The following HPSE2 variants were observed in gnomAD, a reference collection of about 807,000 sequenced individuals.
The protein encoded by HPSE2 is inactive heparanase-2.
Under a neutral mutation model 60.5 loss-of-function variants are expected in HPSE2, and 38 were observed. The ratio of observed to expected loss-of-function variants is 0.63; its 90% CI spans 0.48 to 0.82. HPSE2 has a LOEUF of 0.82. Among genes scored for constraint, HPSE2 ranks in the 40% least tolerant of loss-of-function variants. HPSE2 has a pLI of 0.00. For missense variants in HPSE2, 713 were observed against 740.4 expected, an observed-to-expected ratio of 0.96 and a Z score of 0.43; for synonymous variants, 295 against 293.2, an observed-to-expected ratio of 1.01 and a Z score of -0.06.
intron 3 of HPSE2, among the ~76,000 whole-genome samples, chr10:99,091,302 C>A (rs1843503675): frequency 6.6e-6 from 1 of 152,080 alleles, no homozygotes; most frequent in Non-Finnish European, 1.5e-5. Flanking sequence ...CTATGTAGCA[C>A]AGAGAAGTGT....
At chr10:99,176,134 C>T (rs994869425) in intron 2 of HPSE2, among the ~76,000 whole-genome samples, 1 of 152,058 alleles carries the variant, frequency 6.6e-6, no homozygotes, top group Non-Finnish European at 1.5e-5. Flanking sequence ...CATCAAAGAG[C>T]AAAGGTAGAT....
intron 9 of HPSE2, among the ~76,000 whole-genome samples, chr10:98,550,958 G>C (rs190706425): frequency 3.0e-4 from 46 of 152,230 alleles, no homozygotes; most frequent in African/African-American, 1.1e-3. Context: ...CTGGCTTATG[G>C]TTGAGCCTTC....
chr10:99,291,937 G>A, the HPSE2 span, among the ~76,000 whole-genome samples: 15 of 152,164 alleles, frequency 9.9e-5, no homozygotes, highest in Non-Finnish European at 1.9e-4. Context: ...CTGCACAGGT[G>A]TCTGGGCAGA....
chr10:98,721,320 G>C (rs1948917272), intron 5 of HPSE2, among the ~76,000 whole-genome samples: 1 of 152,200 alleles, frequency 6.6e-6, no homozygotes, highest in African/African-American at 2.4e-5. Flanking sequence ...CACTGGTATA[G>C]AGTAATTTTT....
intron 6 of HPSE2, among the ~76,000 whole-genome samples, chr10:98,692,691 C>A (rs941550308): frequency 2.0e-5 from 3 of 152,108 alleles, no homozygotes; most frequent in Non-Finnish European, 4.4e-5. Flanking sequence ...TTGGCGTGAA[C>A]CCAGGAGGTG....
At chr10:99,243,150 G>A in the HPSE2 span, among the ~76,000 whole-genome samples, 5 of 152,036 alleles carry the variant, frequency 3.3e-5, no homozygotes, top group Middle Eastern at 3.4e-3. Context: ...TCAGGGAATT[G>A]AGACCATCCT....
rs768472937 is a variant in HPSE2, at chr10:98,721,773, T to C, written c.840A>G (p.Gly280=). 4.3e-6 allele frequency: 7 copies of C among 1,613,800 alleles called. No homozygotes were observed. In the South Asian group the frequency reaches 7.7e-5, roughly 18 times the overall value. ...GGCTCTTCAGCTGGATGTAATCCTT[T>C]CCCAACTGGCTGCCATTTACTGCCC... ...HGRAVNGSQL[G]KDYIQLKSLL... The change falls in exon 5 of 12, where the codon GGA becomes GGG. Residue 280 remains glycine (G), a synonymous_variant. Transcript: ENST00000370552.
At chr10:98,845,454 T>A (rs1329700574) in intron 3 of HPSE2, among the ~76,000 whole-genome samples, 1 of 152,210 alleles carries the variant, frequency 6.6e-6, no homozygotes, top group Non-Finnish European at 1.5e-5. Flanking sequence ...AATCACAAAG[T>A]TTTTGGTTAA....
At chr10:98,544,509 G>A (rs1023799540) in intron 9 of HPSE2, among the ~76,000 whole-genome samples, 56 of 151,856 alleles carry the variant, frequency 3.7e-4, no homozygotes, top group Non-Finnish European at 7.4e-4. Flanking sequence ...AGGAGATCGA[G>A]ACCATCCTGG....
intron 9 of HPSE2, among the ~76,000 whole-genome samples, chr10:98,602,097 G>T (rs1460437627): frequency 6.6e-6 from 1 of 152,270 alleles, no homozygotes; most frequent in Admixed American, 6.5e-5. Flanking sequence ...CCAAAGTAGT[G>T]AGTGATGCTG....
intron 9 of HPSE2, among the ~76,000 whole-genome samples, chr10:98,610,265 G>A (rs561519979): frequency 1.3e-5 from 2 of 152,262 alleles, no homozygotes; most frequent in East Asian, 1.9e-4. Flanking sequence ...TGCATACTCG[G>A]CATTGTCTCT....
At chr10:99,077,350 C>T (rs901958229) in intron 3 of HPSE2, among the ~76,000 whole-genome samples, 5 of 152,310 alleles carry the variant, frequency 3.3e-5, no homozygotes, top group African/African-American at 9.6e-5. Context: ...TAATATGTCT[C>T]TTGGTCTGCT....
chr10:99,154,028 G>T (rs1446044815), intron 2 of HPSE2, among the ~76,000 whole-genome samples: 1 of 152,076 alleles, frequency 6.6e-6, no homozygotes, highest in African/African-American at 2.4e-5. Flanking sequence ...TAAATGAAAT[G>T]AAGCGAGAAG....
intron 9 of HPSE2, among the ~76,000 whole-genome samples, chr10:98,538,230 G>T (rs1306320496): frequency 6.6e-6 from 1 of 152,140 alleles, no homozygotes; most frequent in East Asian, 1.9e-4. Flanking sequence ...TCTTTGTCTT[G>T]TGTCTTCATT....
At chr10:98,655,390 C>T (rs1947033429) in intron 6 of HPSE2, among the ~76,000 whole-genome samples, 1 of 152,162 alleles carries the variant, frequency 6.6e-6, no homozygotes, top group Non-Finnish European at 1.5e-5. Context: ...TACGAATTCT[C>T]CAGCAATTCA....
At chr10:99,311,654 T>C in the HPSE2 span, among the ~76,000 whole-genome samples, 1 of 152,136 alleles carries the variant, frequency 6.6e-6, no homozygotes, top group Admixed American at 6.5e-5. Flanking sequence ...ATTAGTCCTA[T>C]TAATAACCAT....
chr10:99,240,839 C>T (rs141996340), upstream of HPSE2, among the ~76,000 whole-genome samples: 203 of 152,250 alleles, frequency 1.3e-3, no homozygotes, highest in Non-Finnish European at 2.5e-3. Flanking sequence ...TCACTATTCC[C>T]ATTTTCCCCT....
intron 3 of HPSE2, among the ~76,000 whole-genome samples, chr10:98,981,431 T>C (rs1490632694): frequency 1.3e-5 from 2 of 152,180 alleles, no homozygotes; most frequent in Non-Finnish European, 2.9e-5. Context: ...GACAAGTCCC[T>C]TAACATCCTC....
chr10:98,803,940 C>G (rs541637415), intron 3 of HPSE2, among the ~76,000 whole-genome samples: 5 of 152,034 alleles, frequency 3.3e-5, no homozygotes, highest in Admixed American at 2.0e-4. Flanking sequence ...GATATTGATT[C>G]TTCCTACCCA....
Sources: gnomAD v4.1 joint callset for allele counts (sites outside exome capture counted in the v4.1 genomes callset) on GRCh38, gnomAD v4.1.1 for gene constraint, MANE v1.5 for transcripts, NCBI Gene and HGNC (gene_info 2026-07-23, HGNC 2026-07-21) for gene names.